The following SLC71A2 variants were observed in gnomAD, a reference collection of about 807,000 sequenced individuals.
SLC71A2 encodes the protein solute carrier family 71 member 2, also known as hippocampus abundant transcript-like 1.
the SLC71A2 span, among the ~76,000 whole-genome samples, chr9:94,455,907 A>G: frequency 1.3e-5 from 2 of 152,214 alleles, no homozygotes; most frequent in Non-Finnish European, 2.9e-5. Context: ...TGTGGTATTT[A>G]TAGCAACAAA....
At chr9:94,451,428 CT>C in the SLC71A2 span, 14 of 1,178,754 alleles carry the variant, frequency 1.2e-5, no homozygotes, top group African/African-American at 2.2e-4. Context: ...ATCTATATTA[CT>C]AAAGTGTTTT....
chr9:94,375,392 C>T, the SLC71A2 span, among the ~76,000 whole-genome samples: 1 of 151,604 alleles, frequency 6.6e-6, no homozygotes. Flanking sequence ...GCAGAGTTTC[C>T]AGGGGCGTTG....
At chr9:94,444,827 G>A in the SLC71A2 span, 1 of 691,308 alleles carries the variant, frequency 1.4e-6, no homozygotes, top group Admixed American at 2.5e-5. Flanking sequence ...CATGGCTGCA[G>A]GTATGCACCT....
the SLC71A2 span, among the ~76,000 whole-genome samples, chr9:94,430,061 C>T: frequency 8.6e-5 from 13 of 151,442 alleles, no homozygotes; most frequent in African/African-American, 2.7e-4. Context: ...TGCACCACCA[C>T]GCCCAGCTGA....
the SLC71A2 span, among the ~76,000 whole-genome samples, chr9:94,440,756 T>C: frequency 6.6e-6 from 1 of 152,190 alleles, no homozygotes; most frequent in Non-Finnish European, 1.5e-5. Flanking sequence ...TCCTCTTCTT[T>C]TGTTTTTTTA....
chr9:94,398,369 A>G, the SLC71A2 span, among the ~76,000 whole-genome samples: 1 of 151,912 alleles, frequency 6.6e-6, no homozygotes, highest in African/African-American at 2.4e-5. Flanking sequence ...CCTGGAAATT[A>G]TCACCAGGCC....
chr9:94,384,129 T>TACCCATGAA, the SLC71A2 span, among the ~76,000 whole-genome samples: 1 of 152,162 alleles, frequency 6.6e-6, no homozygotes, highest in Non-Finnish European at 1.5e-5. Context: ...ACAAATTCTA[T>TACCCATGAA]ACCCATGAAA....
the SLC71A2 span, among the ~76,000 whole-genome samples, chr9:94,443,778 CTGTT>C: frequency 3.3e-5 from 5 of 152,148 alleles, no homozygotes; most frequent in Admixed American, 6.5e-5. Context: ...GTTCCCATAA[CTGTT>C]TGCTTGTCGT....
chr9:94,438,021 C>T, the SLC71A2 span, among the ~76,000 whole-genome samples: 2 of 152,144 alleles, frequency 1.3e-5, no homozygotes, highest in South Asian at 2.1e-4. Context: ...CTCTGCCTCT[C>T]GGGTTCAAGT....
the SLC71A2 span, among the ~76,000 whole-genome samples, chr9:94,401,565 C>T: frequency 2.0e-5 from 3 of 151,700 alleles, no homozygotes; most frequent in Admixed American, 6.6e-5. Flanking sequence ...TTCTTGTTGA[C>T]GATCGGGATT....
chr9:94,456,330 T>A, the SLC71A2 span: 1 of 1,613,768 alleles, frequency 6.2e-7, no homozygotes, highest in Non-Finnish European at 8.5e-7. Flanking sequence ...CAGAGTCAGA[T>A]CAGCAAGGTG....
chr9:94,449,619 G>A, the SLC71A2 span, among the ~76,000 whole-genome samples: 1 of 152,200 alleles, frequency 6.6e-6, no homozygotes, highest in African/African-American at 2.4e-5. Context: ...CATACTTGCT[G>A]GTGAGAATGT....
chr9:94,440,078 T>G, the SLC71A2 span, among the ~76,000 whole-genome samples: 1 of 152,198 alleles, frequency 6.6e-6, no homozygotes, highest in East Asian at 1.9e-4. Context: ...TATCCACAGA[T>G]TTTTAAAAAA....
chr9:94,394,725 G>A, the SLC71A2 span, among the ~76,000 whole-genome samples: 2 of 75,746 alleles, frequency 2.6e-5, 1 homozygote, highest in Non-Finnish European at 6.2e-5. Flanking sequence ...GAGCCACTGT[G>A]TCTGGCCCAG....
At chr9:94,391,192 T>G in the SLC71A2 span, among the ~76,000 whole-genome samples, 395 of 132,894 alleles carry the variant, frequency 3.0e-3, 3 homozygotes, top group African/African-American at 0.011. Flanking sequence ...GCCTAATGTC[T>G]CTACCAAAAA....
chr9:94,439,534 A>G, the SLC71A2 span, among the ~76,000 whole-genome samples: 1 of 132,162 alleles, frequency 7.6e-6, no homozygotes, highest in African/African-American at 2.9e-5. Context: ...TTTTAATCCT[A>G]TTAATAGATT....
the SLC71A2 span, among the ~76,000 whole-genome samples, chr9:94,402,457 A>G: frequency 4.6e-5 from 7 of 152,056 alleles, no homozygotes; most frequent in Non-Finnish European, 7.4e-5. Flanking sequence ...ATTCTAGAAC[A>G]TTTTCATCTC....
chr9:94,445,952 G>T, the SLC71A2 span, among the ~76,000 whole-genome samples: 39 of 152,316 alleles, frequency 2.6e-4, no homozygotes, highest in African/African-American at 8.4e-4. Flanking sequence ...GACACCAAAA[G>T]AAATATTTAG....
At chr9:94,420,642 T>C in the SLC71A2 span, among the ~76,000 whole-genome samples, 2 of 151,892 alleles carry the variant, frequency 1.3e-5, no homozygotes, top group Non-Finnish European at 2.9e-5. Context: ...GGCTCATGCC[T>C]GTAATCTCAG....
Sources: gnomAD v4.1 joint callset for allele counts (sites outside exome capture counted in the v4.1 genomes callset) on GRCh38, gnomAD v4.1.1 for gene constraint, MANE v1.5 for transcripts, NCBI Gene and HGNC (gene_info 2026-07-23, HGNC 2026-07-21) for gene names.